Variants in USH1C observed in about 807,000 individuals in gnomAD.
The protein encoded by USH1C is harmonin.
In USH1C, 90 loss-of-function variants were observed where a neutral mutation model predicts 119.3. The ratio of observed to expected loss-of-function variants is 0.75; its 90% CI spans 0.64 to 0.90. USH1C has a LOEUF of 0.90. USH1C is among the 40% of genes least tolerant of loss of function. USH1C has a pLI of 0.00. For missense variants in USH1C, 1,165 were observed against 1,167.7 expected (o/e 1.00, Z 0.03); for synonymous variants, 465 against 443.3 (o/e 1.05, Z -0.62).
rs894837962 is a variant in USH1C at position 17,544,396 on chromosome 11, G to T, written c.-89C>A. ...GCTGGAAAGAGCCGCGACCGCGACC[G>T]GGCCAGCCGCCCTCGGAGCTGGGGG... is the stretch of plus-strand genomic sequence containing the variant. On this transcript the variant is annotated 5_prime_UTR_variant, in exon 1 of 27. Transcript: ENST00000005226. 3 of 1,588,152 alleles carry T rather than the reference G, an allele frequency of 1.9e-6. No individual in the cohort carries two copies. Among genetic ancestry groups the T allele is most frequent in the Non-Finnish European group, 2.6e-6 (3 of 1,162,122 alleles).
At chr11:17,527,598 G>C (rs188610792) in intron 4 of USH1C, among the ~76,000 whole-genome samples, 101 of 152,328 alleles carry the variant, frequency 6.6e-4, no homozygotes, top group African/African-American at 2.2e-3. Context: ...GTGTGCAGCA[G>C]AGCTGGGAGA....
intron 14 of USH1C, chr11:17,516,545 A>T: frequency 1.9e-6 from 1 of 525,210 alleles, no homozygotes; most frequent in South Asian, 2.0e-5. Context: ...GCCTCTCCCC[A>T]GAACACTGGT....
chr11:17,498,064 C>T, intron 24 of USH1C, 98 bp downstream of exon 24: 3 of 1,098,408 alleles, frequency 2.7e-6, no homozygotes, highest in Non-Finnish European at 4.2e-6. Context: ...CAGATGCCCA[C>T]CCTGGAATGA....
chr11:17,495,637 C>T lies in USH1C; in HGVS notation c.2587G>A (p.Val863Ile). The change falls in exon 26 of 27, where the codon GTC becomes ATC. Residue 863 changes from valine (V) to isoleucine (I), a missense_variant. By Grantham distance (29) the Val-to-Ile change is conservative. Coordinates refer to ENST00000005226, the MANE Select transcript of USH1C (RefSeq NM_153676.4). ...GCACGGTCTTCAAGGAGCTTTCGGA[C>T]CGGTTGGGGGCTTTCAGCTACGGAG... ...PSSVAESPQP[V>I]RKLLEDRAAV... is the part of the protein sequence containing the mutation. 1 of 1,614,174 alleles carries T rather than the reference C, an allele frequency of 6.2e-7. No homozygotes were observed. The highest frequency in any genetic ancestry group is 8.5e-7 in the Non-Finnish European group (1 of 1,180,024).
intron 8 of USH1C, among the ~76,000 whole-genome samples, chr11:17,525,489 A>ATG (rs1235474968): frequency 0.025 from 3,834 of 152,322 alleles, 162 homozygotes; most frequent in African/African-American, 0.087. Context: ...TACTTTCTCC[A>ATG]CAACCACCCT....
chr11:17,502,718 G>A (rs1315491092), intron 20 of USH1C, among the ~76,000 whole-genome samples: 1 of 152,346 alleles, frequency 6.6e-6, no homozygotes, highest in South Asian at 2.1e-4. Flanking sequence ...ACAAGACAGT[G>A]AGGTGGCACC....
At chr11:17,532,780 A>G (rs1476945134) in intron 2 of USH1C, among the ~76,000 whole-genome samples, 2 of 152,254 alleles carry the variant, frequency 1.3e-5, no homozygotes, top group Non-Finnish European at 2.9e-5. Context: ...TCCCCTCACC[A>G]GACCACAAGT....
At chr11:17,506,012 G>C in intron 18 of USH1C, 63 bp from the exon 19 acceptor site, 1 of 1,610,820 alleles carries the variant, frequency 6.2e-7, no homozygotes, top group Non-Finnish European at 8.5e-7. Flanking sequence ...GGCCAGCCAT[G>C]CTACTTCTAC....
rs780885203 is a variant in USH1C, at chr11:17,516,273, G to A, written c.1228C>T (p.Arg410Cys). 8.1e-6 allele frequency: 13 copies of A among 1,613,196 alleles called. No individual in the cohort carries two copies. Among genetic ancestry groups the A allele is most frequent in the Middle Eastern group, 1.6e-4 (1 of 6,084 alleles). Reference sequence around the variant, plus strand: ...ATGGTTGGGAATTTGCCATCGTAACGATAAAACCATCCAAAAGCTATAAGA... The same window carrying A: ...ATGGTTGGGAATTTGCCATCGTAACAATAAAACCATCCAAAAGCTATAAGA... The part of the protein sequence containing the change: ...RKPKSFGWFY[R>C]YDGKFPTIRK... Residue 410 changes from arginine (R) to cysteine (C), a missense_variant, in exon 15 of 27, where the codon CGT (arginine) becomes TGT (cysteine). Coordinates refer to ENST00000005226, the MANE Select transcript of USH1C (RefSeq NM_153676.4).
chr11:17,530,042 C>T (rs1224196982), intron 4 of USH1C, among the ~76,000 whole-genome samples: 2 of 152,202 alleles, frequency 1.3e-5, no homozygotes, highest in African/African-American at 4.8e-5. Flanking sequence ...ATTTCAGACA[C>T]CACCAGGGAG....
chr11:17,501,698 G>A (rs1177905626), intron 21 of USH1C, among the ~76,000 whole-genome samples, 163 bp from the exon 22 acceptor site: 1 of 152,116 alleles, frequency 6.6e-6, no homozygotes, highest in African/African-American at 2.4e-5. Context: ...TCAACTGGGG[G>A]TCCCAGGCCC....
At chr11:17,515,278 A>G (rs1850090764) in intron 15 of USH1C, among the ~76,000 whole-genome samples, 1 of 152,252 alleles carries the variant, frequency 6.6e-6, no homozygotes, top group South Asian at 2.1e-4. Flanking sequence ...AGTTTATTCA[A>G]TGCTATACAA....
intron 18 of USH1C, among the ~76,000 whole-genome samples, chr11:17,508,957 C>T (rs1565031791): frequency 6.6e-6 from 1 of 152,174 alleles, no homozygotes. Flanking sequence ...GAGCCATTTC[C>T]CATATTCAAG....
rs193178689 is a variant in USH1C at position 17,530,270 on chromosome 11, T to G, written c.387+884A>C. On this transcript the variant is annotated intron_variant, in intron 4 of 26. Coordinates refer to ENST00000005226, the MANE Select transcript of USH1C (RefSeq NM_153676.4). Reference sequence around the variant, plus strand: ...ACAAAAACACAGCCCTGGGCTCAGGTAGGAGTGAGACCTGGAGGTCTGCCC... The same window carrying G: ...ACAAAAACACAGCCCTGGGCTCAGGGAGGAGTGAGACCTGGAGGTCTGCCC... Among the ~76,000 whole-genome samples, 850 of 152,242 alleles carry G rather than the reference T, an allele frequency of 5.6e-3. 7 individuals are homozygous for G. Among genetic ancestry groups the G allele is most frequent in the African/African-American group, 0.02 (812 of 41,540 alleles).
At chr11:17,536,841 C>A (rs2237958) in intron 1 of USH1C, among the ~76,000 whole-genome samples, 84,852 of 152,146 alleles carry the variant, frequency 0.56, 23,738 homozygotes, top group South Asian at 0.59. Context: ...ATAGACCATA[C>A]CAGCTAACAG....
chr11:17,537,510 C>T (rs531499339), intron 1 of USH1C, among the ~76,000 whole-genome samples: 1 of 152,328 alleles, frequency 6.6e-6, no homozygotes, highest in East Asian at 1.9e-4. Context: ...TTCTTTCTGA[C>T]CTGTTGGCCC....
chr11:17,498,324 G>A (rs998776436), intron 23 of USH1C, 53 bp from the exon 24 acceptor site: 1 of 1,548,250 alleles, frequency 6.5e-7, no homozygotes, highest in Non-Finnish European at 8.9e-7. Context: ...ACACGTGCCT[G>A]GCCCAGGGCT....
In USH1C at chr11:17,524,517, G is replaced by C. The variant is rs1395809006; in HGVS notation, c.693C>G (p.Ile231Met). 6.4e-7 allele frequency: 1 copy of C among 1,564,572 alleles called. No individual in the cohort carries two copies. The highest frequency in any genetic ancestry group is 2.4e-5 in the East Asian group (1 of 41,928). Residue 231 changes from isoleucine to methionine, a missense_variant, in exon 9 of 27, where the codon ATC (isoleucine) becomes ATG (methionine). Coordinates refer to ENST00000005226, the MANE Select transcript of USH1C (RefSeq NM_153676.4). ...GGCTGATAAAGATGCCAGGCTTCTG[G>C]ATGGGGCCGCTGGAAATGCTGCGGG... is the stretch of plus-strand genomic sequence containing the variant. ...GLGCSISSGP[I>M]QKPGIFISHV... is the part of the protein sequence containing the mutation.
chr11:17,534,157 G>C (rs1371369132), intron 1 of USH1C, among the ~76,000 whole-genome samples: 1 of 152,226 alleles, frequency 6.6e-6, no homozygotes, highest in Admixed American at 6.5e-5. Context: ...AGCTTGGGGG[G>C]TCACTGGGTC....
Sources: allele counts gnomAD v4.1 joint callset (sites outside exome capture counted in the v4.1 genomes callset), GRCh38; gene constraint gnomAD v4.1.1; transcripts MANE v1.5; gene names NCBI Gene and HGNC (gene_info 2026-07-23, HGNC 2026-07-21).